STK24: variants seen among roughly 807,000 people sequenced by gnomAD.
The protein encoded by STK24 is serine/threonine-protein kinase 24.
STK24 carries 21 observed loss-of-function variants against 55.6 expected under a neutral mutation model. The ratio of observed to expected loss-of-function variants is 0.38; its 90% CI spans 0.27 to 0.54. The LOEUF (loss-of-function observed/expected upper bound fraction) is 0.54. Among genes scored for constraint, STK24 ranks in the 20% least tolerant of loss-of-function variants. The pLI, the probability that STK24 is intolerant of heterozygous loss-of-function variation, is 0.79. For synonymous variants in STK24, 200 were observed against 215.2 expected (o/e 0.93, Z 0.62); for missense variants, 383 against 538.4 (o/e 0.71, Z 2.86).
chr13:98,526,393 G>A (rs1896430955), intron 1 of STK24, among the ~76,000 whole-genome samples: 1 of 152,142 alleles, frequency 6.6e-6, no homozygotes, highest in South Asian at 2.1e-4. Flanking sequence ...TACATGAACT[G>A]TCTCAGCACA....
At chr13:98,458,489 T>TG (rs2139246550) in intron 9 of STK24, among the ~76,000 whole-genome samples, 1 of 152,324 alleles carries the variant, frequency 6.6e-6, no homozygotes, top group South Asian at 2.1e-4. Context: ...GGTCTGACCT[T>TG]GGAGGGCCAG....
Position 98,466,454 on chromosome 13 carries a change from G to A in STK24, c.705C>T (p.Asn235=). ...MKVLFLIPKN[N]PPTLEGNYSK... ...TGTAGTTTCCTTCCAACGTCGGTGG[G>A]TTGTTCTTTGGAATGAGGAATAAAA... Residue 235 remains asparagine (N), a synonymous_variant, in exon 6 of 11, where the codon AAC becomes AAT. Transcript: ENST00000539966. 6.2e-7 allele frequency: 1 copy of A among 1,614,044 alleles called. No homozygotes were observed. Among genetic ancestry groups the A allele is most frequent in the Admixed American group, 1.7e-5 (1 of 60,020 alleles).
At chr13:98,545,633 C>CAA (rs57995539) in intron 1 of STK24, among the ~76,000 whole-genome samples, 51 of 118,114 alleles carry the variant, frequency 4.3e-4, no homozygotes, top group African/African-American at 1.6e-3. Flanking sequence ...AACTCCATCT[C>CAA]AAAAAAAAAA....
chr13:98,560,979 CAA>C (rs775068185), intron 1 of STK24, among the ~76,000 whole-genome samples: 2 of 152,032 alleles, frequency 1.3e-5, no homozygotes, highest in African/African-American at 2.4e-5. Context: ...ACAGCCACTT[CAA>C]AGTTAGCCAG....
intron 1 of STK24, among the ~76,000 whole-genome samples, chr13:98,552,019 T>C (rs1897171545): frequency 6.6e-6 from 1 of 152,156 alleles, no homozygotes; most frequent in Non-Finnish European, 1.5e-5. Context: ...TCGCAAGCCT[T>C]CTCTTCAGCT....
intron 5 of STK24, among the ~76,000 whole-genome samples, chr13:98,471,533 C>A (rs1164316051): frequency 6.6e-6 from 1 of 152,156 alleles, no homozygotes; most frequent in Non-Finnish European, 1.5e-5. Flanking sequence ...CCCAAATCAC[C>A]TTAAAACAGT....
At chr13:98,566,425 C>T (rs1436935028) in intron 1 of STK24, among the ~76,000 whole-genome samples, 1 of 152,232 alleles carries the variant, frequency 6.6e-6, no homozygotes. Context: ...AAAGAACACA[C>T]ATGCTGGCCT....
Position 98,446,287 on chromosome 13 carries a change from G to A in STK24, c.*6886C>T, listed in dbSNP as rs1892830418. ...TGAGGGGGCCGCCCTCCTCTGGAAT[G>A]ACTCAGGCCTCTTGGGCTCCAGGTG... On this transcript the variant is annotated 3_prime_UTR_variant, in exon 11 of 11. Coordinates refer to ENST00000539966, the MANE Select transcript of STK24 (RefSeq NM_001032296.4). The A allele has an allele frequency of 1.1e-6, 1 of 871,212 alleles. No homozygotes were observed. The highest frequency in any genetic ancestry group is 1.7e-5 in the African/African-American group (1 of 59,876). 54.0% of individuals were successfully genotyped at this position (871,212 alleles called of 1,614,324 possible).
At chr13:98,562,672 T>C (rs1325572835) in intron 1 of STK24, among the ~76,000 whole-genome samples, 2 of 152,136 alleles carry the variant, frequency 1.3e-5, no homozygotes, top group Non-Finnish European at 2.9e-5. Context: ...TCCCAGCACT[T>C]TGGGAGGCCA....
At chr13:98,479,041 G>A (rs1000698567) in intron 3 of STK24, among the ~76,000 whole-genome samples, 5 of 152,176 alleles carry the variant, frequency 3.3e-5, no homozygotes, top group Non-Finnish European at 5.9e-5. Context: ...CCCCTGACAC[G>A]CGGGAGGCAC....
At chr13:98,471,534 T>C (rs557820162) in intron 5 of STK24, among the ~76,000 whole-genome samples, 2 of 152,164 alleles carry the variant, frequency 1.3e-5, no homozygotes, top group Non-Finnish European at 2.9e-5. Context: ...CCAAATCACC[T>C]TAAAACAGTA....
intron 6 of STK24, among the ~76,000 whole-genome samples, chr13:98,465,311 C>T (rs1372650615): frequency 6.6e-6 from 1 of 152,252 alleles, no homozygotes; most frequent in Non-Finnish European, 1.5e-5. Flanking sequence ...CCAACTACCC[C>T]GGAGGTGCTC....
chr13:98,486,639 G>C (rs1438763939), intron 2 of STK24, among the ~76,000 whole-genome samples: 1 of 152,198 alleles, frequency 6.6e-6, no homozygotes, highest in African/African-American at 2.4e-5. Flanking sequence ...ACACACCCCA[G>C]GTTCTGATAA....
rs1280606886 is a variant in STK24 at position 98,446,797 on chromosome 13, A to T, written c.*6376T>A. The stretch of plus-strand genomic sequence containing the variant: ...CCCACGTCTACTACTTCAGGGCGGA[A>T]AGCGAGTACACGTTCGAAAGGTAGA... On this transcript the variant is annotated 3_prime_UTR_variant, in exon 11 of 11. Coordinates refer to ENST00000539966, the MANE Select transcript of STK24 (RefSeq NM_001032296.4). 6.2e-7 allele frequency: 1 copy of T among 1,614,128 alleles called. No homozygotes were observed. Among genetic ancestry groups the T allele is most frequent in the South Asian group, 1.1e-5 (1 of 91,080 alleles).
At chr13:98,562,399 C>CTT (rs796078527) in intron 1 of STK24, among the ~76,000 whole-genome samples, 3 of 152,230 alleles carry the variant, frequency 2.0e-5, no homozygotes, top group African/African-American at 7.2e-5. Context: ...ACACCACAGC[C>CTT]GATAAGCAAC....
chr13:98,488,076 C>T (rs1894871231), intron 2 of STK24, among the ~76,000 whole-genome samples: 1 of 151,790 alleles, frequency 6.6e-6, no homozygotes, highest in Non-Finnish European at 1.5e-5. Flanking sequence ...CAGAATGTGA[C>T]TCTTTAAAGA....
rs1892760832 is a variant in STK24, at chr13:98,445,389, A to G, written c.*7784T>C. 6.6e-6 allele frequency: 1 copy of G among 152,248 alleles called. No homozygotes were observed. The highest frequency in any genetic ancestry group is 2.1e-4 in the South Asian group (1 of 4,832). 9.4% of individuals were successfully genotyped at this position (152,248 alleles called of 1,614,324 possible). A position where few individuals can be genotyped will look rare whatever the true frequency, so the allele number is the denominator to read the frequency against. Reference sequence around the variant, plus strand: ...GGCCTGCTCAGAGTTGTTTGGAGGTAGCATGGACACAGGTGCCTGTCCCTG... The same window carrying G: ...GGCCTGCTCAGAGTTGTTTGGAGGTGGCATGGACACAGGTGCCTGTCCCTG... On this transcript the variant is annotated 3_prime_UTR_variant, in exon 11 of 11. Transcript: ENST00000539966.
At chr13:98,456,349 TCAGC>T (rs1893453230) in intron 10 of STK24, 2 of 390,682 alleles carry the variant, frequency 5.1e-6, no homozygotes, top group Non-Finnish European at 1.0e-5. Context: ...TCACAGAGTC[TCAGC>T]CAGCTTTGGG....
intron 1 of STK24, among the ~76,000 whole-genome samples, 199 bp downstream of exon 1, chr13:98,576,546 G>A (rs1446410522): frequency 6.6e-6 from 1 of 152,018 alleles, no homozygotes; most frequent in Non-Finnish European, 1.5e-5. Context: ...GCACGCACAC[G>A]CCGGAGACCT....
Sources: allele counts gnomAD v4.1 joint callset (sites outside exome capture counted in the v4.1 genomes callset), GRCh38; gene constraint gnomAD v4.1.1; transcripts MANE v1.5; gene names NCBI Gene and HGNC (gene_info 2026-07-23, HGNC 2026-07-21).